The following ASIC2 variants were observed in gnomAD, a reference collection of about 807,000 sequenced individuals.
The protein encoded by ASIC2 is acid sensing ion channel subunit 2.
Under a neutral mutation model 57.3 loss-of-function variants are expected in ASIC2, and 25 were observed. That is an observed-to-expected ratio of 0.44 (90% CI 0.32 to 0.61). The LOEUF (loss-of-function observed/expected upper bound fraction) is 0.61, where lower values mean the gene tolerates loss of function less well. ASIC2 is among the 20% of genes least tolerant of loss of function. The probability of loss-of-function intolerance (pLI) is 0.06; values close to 1 mark genes in which losing one functional copy is unlikely to be tolerated. For missense variants in ASIC2, 641 were observed against 738.1 expected, an observed-to-expected ratio of 0.87 and a Z score of 1.52; for synonymous variants, 319 against 307.5, an observed-to-expected ratio of 1.04 and a Z score of -0.39.
intron 1 of ASIC2, among the ~76,000 whole-genome samples, chr17:33,763,871 G>T (rs1597866362): frequency 6.6e-6 from 1 of 152,106 alleles, no homozygotes; most frequent in African/African-American, 2.4e-5. Context: ...CTCTTGACAG[G>T]TCCCTTTCCC....
At chr17:33,953,018 T>A (rs936325602) in intron 1 of ASIC2, among the ~76,000 whole-genome samples, 1 of 152,202 alleles carries the variant, frequency 6.6e-6, no homozygotes, top group African/African-American at 2.4e-5. Flanking sequence ...AAAATGACTA[T>A]CATATATTAT....
chr17:33,248,028 C>T lies in ASIC2; in HGVS notation c.708+43380G>A, dbSNP rs1375449091. On this transcript the variant is annotated intron_variant, in intron 1 of 9. Coordinates refer to ENST00000225823, the MANE Select transcript of ASIC2 (RefSeq NM_183377.2). ...AAGGTGATAGAAGACTATGAAATAG[C>T]AGAGGTAGATGAGTAGAATGGGGAT... Among the ~76,000 whole-genome samples, 9 of 152,062 alleles carry T rather than the reference C, an allele frequency of 5.9e-5. 1 individual carries two copies. The East Asian group carries it at 1.7e-3, about 29-fold the overall frequency.
At chr17:33,548,843 C>T (rs1488710460) in intron 1 of ASIC2, among the ~76,000 whole-genome samples, 2 of 152,008 alleles carry the variant, frequency 1.3e-5, no homozygotes, top group Non-Finnish European at 2.9e-5. Flanking sequence ...AGTCTCTCCC[C>T]CTGAAGCTTC....
intron 1 of ASIC2, among the ~76,000 whole-genome samples, chr17:33,466,623 G>A (rs573325888): frequency 6.6e-6 from 1 of 152,278 alleles, no homozygotes; most frequent in South Asian, 2.1e-4. Context: ...AACCAAAACA[G>A]CATGGTACTG....
chr17:33,441,347 T>C (rs888658109), intron 1 of ASIC2, among the ~76,000 whole-genome samples: 13 of 152,356 alleles, frequency 8.5e-5, no homozygotes, highest in South Asian at 2.1e-4. Context: ...TTTTCTTTTA[T>C]GGACTATCTT....
At chr17:33,452,670 T>C (rs1912295290) in intron 1 of ASIC2, among the ~76,000 whole-genome samples, 1 of 151,748 alleles carries the variant, frequency 6.6e-6, no homozygotes, top group Admixed American at 6.6e-5. Context: ...GTGCCAATGA[T>C]GGTGGAGTTA....
chr17:33,316,255 CT>C (rs1906640426), intron 1 of ASIC2, among the ~76,000 whole-genome samples: 1 of 152,198 alleles, frequency 6.6e-6, no homozygotes. Context: ...CATGTCTCTC[CT>C]TTGCTGAACA....
At chr17:33,579,363 A>G (rs1481181357) in intron 1 of ASIC2, among the ~76,000 whole-genome samples, 1 of 151,090 alleles carries the variant, frequency 6.6e-6, no homozygotes, top group African/African-American at 2.4e-5. Context: ...GTGGCTTGGT[A>G]TGTTTACAAA....
Position 33,788,668 on chromosome 17 carries a change from T to G in ASIC2, c.555+367310A>C, listed in dbSNP as rs1911677211. On this transcript the variant is annotated intron_variant, in intron 1 of 9. Coordinates refer to the ASIC2 transcript ENST00000359872. ...AACCAACCCAAATACCCATCGACGA[T>G]AGATTGGATAAAGACAATGTGGTAC... 2.0e-5 allele frequency among the ~76,000 whole-genome samples: 3 copies of G among 152,132 alleles called. No individual in the cohort carries two copies. The East Asian group carries it at 5.8e-4, about 29-fold the overall frequency.
intron 1 of ASIC2, among the ~76,000 whole-genome samples, chr17:33,743,168 G>T (rs1910158881): frequency 6.6e-6 from 1 of 152,212 alleles, no homozygotes; most frequent in Non-Finnish European, 1.5e-5. Flanking sequence ...AGCAACACTG[G>T]TGAAACTACT....
At chr17:34,099,047 G>T (rs1200527012) in intron 1 of ASIC2, among the ~76,000 whole-genome samples, 1 of 150,640 alleles carries the variant, frequency 6.6e-6, no homozygotes, top group Non-Finnish European at 1.5e-5. Flanking sequence ...AGATTAGCCT[G>T]CTAGAGGAAA....
intron 1 of ASIC2, among the ~76,000 whole-genome samples, chr17:33,705,102 C>T (rs1203623573): frequency 6.6e-6 from 1 of 152,160 alleles, no homozygotes; most frequent in Non-Finnish European, 1.5e-5. Flanking sequence ...ACTAGTTAGC[C>T]TCAAATGTAG....
chr17:33,424,431 G>A (rs1911148147), intron 1 of ASIC2, among the ~76,000 whole-genome samples: 1 of 152,202 alleles, frequency 6.6e-6, no homozygotes, highest in Non-Finnish European at 1.5e-5. Flanking sequence ...TCCGGGGAAA[G>A]CAGCTTTTAG....
chr17:33,453,016 G>A (rs1480589394), intron 1 of ASIC2, among the ~76,000 whole-genome samples: 1 of 152,072 alleles, frequency 6.6e-6, no homozygotes, highest in Admixed American at 6.6e-5. Flanking sequence ...GATTCCTTTC[G>A]AATGAATGTT....
chr17:33,566,909 G>A (rs1916251416), intron 1 of ASIC2, among the ~76,000 whole-genome samples: 1 of 151,890 alleles, frequency 6.6e-6, no homozygotes, highest in African/African-American at 2.4e-5. Context: ...ATATCTTCCT[G>A]CCTTGGTTTG....
At chr17:33,227,886 A>C (rs1907947245) in intron 1 of ASIC2, among the ~76,000 whole-genome samples, 1 of 152,174 alleles carries the variant, frequency 6.6e-6, no homozygotes, top group African/African-American at 2.4e-5. Context: ...GTGCTCTAGG[A>C]AAGGTGCATA....
chr17:33,292,266 G>GGCATGCCCGCCCGGCGCC lies in ASIC2; in HGVS notation c.-169_-152dup, dbSNP rs1447027973. ...CGCCCGAAAGGAGCTCCGGTGGCGC[G>GGCATGCCCGCCCGGCGCC]GCATGCCCGCCCGGCGCCGCCGCTG... On this transcript the variant is annotated 5_prime_UTR_variant, in exon 1 of 10. The change creates a new upstream start codon in the 5' untranslated region. Transcript: ENST00000225823. The GGCATGCCCGCCCGGCGCC allele has an allele frequency of 9.2e-5, 91 of 992,040 alleles. No individual in the cohort carries two copies. The highest frequency in any genetic ancestry group is 1.0e-4 in the Non-Finnish European group (86 of 835,832). 61.5% of individuals were successfully genotyped at this position (992,040 alleles called of 1,614,324 possible). A position where few individuals can be genotyped will look rare whatever the true frequency, so the allele number is the denominator to read the frequency against.
intron 1 of ASIC2, among the ~76,000 whole-genome samples, chr17:33,575,806 C>T (rs933966859): frequency 7.2e-5 from 11 of 152,188 alleles, no homozygotes; most frequent in African/African-American, 2.4e-4. Context: ...GCAAGCAGGG[C>T]CCCCCTTCAA....
chr17:34,092,480 G>T (rs1158605703), intron 1 of ASIC2, among the ~76,000 whole-genome samples: 2 of 152,176 alleles, frequency 1.3e-5, no homozygotes, highest in Non-Finnish European at 2.9e-5. Context: ...GTTGTGCCAA[G>T]GGAGGGCTGA....
Sources: gnomAD v4.1 joint callset for allele counts (sites outside exome capture counted in the v4.1 genomes callset) on GRCh38, gnomAD v4.1.1 for gene constraint, MANE v1.5 for transcripts, NCBI Gene and HGNC (gene_info 2026-07-23, HGNC 2026-07-21) for gene names.